AKAP8L: variants seen among roughly 807,000 people sequenced by gnomAD.
The protein encoded by AKAP8L is A-kinase anchoring protein 8 like.
A neutral mutation model predicts 77.5 loss-of-function variants in AKAP8L; 34 were observed. That is an observed-to-expected ratio of 0.44 (90% CI 0.33 to 0.58). The LOEUF (loss-of-function observed/expected upper bound fraction) is 0.58. Among genes scored for constraint, AKAP8L ranks in the 20% least tolerant of loss-of-function variants. AKAP8L has a pLI of 0.02. For missense variants in AKAP8L, 806 were observed against 887.6 expected, an observed-to-expected ratio of 0.91 and a Z score of 1.17; for synonymous variants, 342 against 340.7, an observed-to-expected ratio of 1.00 and a Z score of -0.04.
chr19:15,385,610 A>AT (rs1568261414), intron 12 of AKAP8L, among the ~76,000 whole-genome samples: 1 of 151,574 alleles, frequency 6.6e-6, no homozygotes. Context: ...CATTTTATTT[A>AT]TTTTTTTGAG....
intron 1 of AKAP8L, among the ~76,000 whole-genome samples, chr19:15,412,792 T>C (rs1177956258): frequency 1.3e-5 from 2 of 152,264 alleles, no homozygotes; most frequent in East Asian, 1.9e-4. Flanking sequence ...TCCGCCCGCC[T>C]TGGCCTCCCA....
rs1967949752 is a variant in AKAP8L at position 15,403,874 on chromosome 19, C to T, written c.121+136G>A. 5 of 1,142,644 alleles carry T rather than the reference C, an allele frequency of 4.4e-6. No individual in the cohort carries two copies. The East Asian group carries it at 1.2e-4, about 28-fold the overall frequency. The allele number at this position is 1,142,644 out of a possible 1,614,324, so 70.8% of individuals were successfully genotyped here. ...GGGCCCTGGTCATTCTGATGAGGGC[C>T]TCCTGTTAAGGAGTAGGTAACCCCA... On this transcript the variant is annotated intron_variant, in intron 3 of 13. Coordinates refer to ENST00000397410, the MANE Select transcript of AKAP8L (RefSeq NM_014371.4). The surrounding 1 kb of genome is among the most constrained non-coding windows in gnomAD (Gnocchi z 4.3).
intron 4 of AKAP8L, among the ~76,000 whole-genome samples, chr19:15,402,285 C>G (rs1967915939): frequency 6.6e-6 from 1 of 152,196 alleles, no homozygotes; most frequent in Admixed American, 6.5e-5. Flanking sequence ...TCCCAGGACA[C>G]AGAGGGCACC....
intron 8 of AKAP8L, 92 bp downstream of exon 8, chr19:15,400,203 A>G (rs1967863332): frequency 7.3e-7 from 1 of 1,373,804 alleles, no homozygotes; most frequent in Non-Finnish European, 1.0e-6. Flanking sequence ...AACTGGCCGC[A>G]TGTCTGCCGC....
At chr19:15,412,273 T>C (rs989906772) in intron 1 of AKAP8L, among the ~76,000 whole-genome samples, 7 of 152,094 alleles carry the variant, frequency 4.6e-5, no homozygotes, top group Non-Finnish European at 8.8e-5. Context: ...TCCCAGGTTC[T>C]TGGGAGGGTG....
chr19:15,401,291 G>A lies in AKAP8L; in HGVS notation c.675C>T (p.Asn225=), dbSNP rs746111947. 13 of 1,613,614 alleles carry A rather than the reference G, an allele frequency of 8.1e-6. No individual in the cohort carries two copies. Among genetic ancestry groups the A allele is most frequent in the African/African-American group, 6.7e-5 (5 of 74,936 alleles). Residue 225 remains asparagine, a synonymous_variant, in exon 5 of 14, where the codon AAC becomes AAT. Coordinates refer to ENST00000397410, the MANE Select transcript of AKAP8L (RefSeq NM_014371.4). This position sits in a 1 kb window ranked among gnomAD's most constrained non-coding sequence, Gnocchi z 6.2. The part of the protein sequence containing the change: ...ASRLPSLFSQ[N]IIPEYGMFQG... ...GGAACATGCCGTACTCGGGGATGAT[G>A]TTCTGGGAGAAGAGGGAGGGCAGCC...
At chr19:15,395,885 G>A (rs1967761004) in intron 12 of AKAP8L, among the ~76,000 whole-genome samples, 1 of 139,860 alleles carries the variant, frequency 7.2e-6, no homozygotes, top group South Asian at 2.4e-4. Flanking sequence ...TCGGGAGGCT[G>A]AGGCAGGAGA....
At position 15,398,718 on chromosome 19, in the gene AKAP8L, G is replaced by A. The variant is rs1967828013; in HGVS notation, c.1157+584C>T. 2 of 988,760 alleles carry A rather than the reference G, an allele frequency of 2.0e-6. No individual in the cohort carries two copies. Among genetic ancestry groups the A allele is most frequent in the Non-Finnish European group, 2.4e-6 (2 of 832,274 alleles). The allele number at this position is 988,760 out of a possible 1,614,324, so 61.2% of individuals were successfully genotyped here. A position where few individuals can be genotyped will look rare whatever the true frequency, so the allele number is the denominator to read the frequency against. ...CGCCGGCGAGGCTGAGGAAGGTCCA[G>A]CAAGAGCAAGAGTCTGAGGCGGAGG... is the stretch of plus-strand genomic sequence containing the variant. On this transcript the variant is annotated intron_variant, in intron 9 of 13. Coordinates refer to ENST00000397410, the MANE Select transcript of AKAP8L (RefSeq NM_014371.4). This position sits in a 1 kb window ranked among gnomAD's most constrained non-coding sequence, Gnocchi z 9.2.
intron 1 of AKAP8L, among the ~76,000 whole-genome samples, chr19:15,414,554 T>C (rs1225369592): frequency 1.3e-5 from 2 of 152,172 alleles, no homozygotes; most frequent in African/African-American, 4.8e-5. Flanking sequence ...AGTGGCACGA[T>C]CTTGGCTCAC....
rs776706669 is a variant in AKAP8L, at chr19:15,397,946, C to G, written c.1158-91G>C. The stretch of plus-strand genomic sequence containing the variant: ...CCCAACCCAGACACAAGCCCTGAAA[C>G]AGGCCTTGCTCACGGGCCTCTGAAG... On this transcript the variant is annotated intron_variant, in intron 9 of 13. Transcript: ENST00000397410. The surrounding 1 kb of genome is among the most constrained non-coding windows in gnomAD (Gnocchi z 4.7). The G allele has an allele frequency of 6.6e-7, 1 of 1,508,548 alleles. No homozygotes were observed. Among genetic ancestry groups the G allele is most frequent in the African/African-American group, 1.4e-5 (1 of 72,370 alleles). 93.4% of individuals were successfully genotyped at this position (1,508,548 alleles called of 1,614,324 possible). A position where few individuals can be genotyped will look rare whatever the true frequency, so the allele number is the denominator to read the frequency against.
At chr19:15,406,244 A>T (rs1366322041) in intron 2 of AKAP8L, among the ~76,000 whole-genome samples, 1 of 151,956 alleles carries the variant, frequency 6.6e-6, no homozygotes, top group Non-Finnish European at 1.5e-5. Context: ...TTCAGGAGGA[A>T]GCCTTCATCT....
chr19:15,415,270 A>T (rs1367297598), intron 1 of AKAP8L, among the ~76,000 whole-genome samples: 4 of 152,104 alleles, frequency 2.6e-5, no homozygotes, highest in African/African-American at 9.7e-5. Context: ...TCATCTCAGA[A>T]ATAAAAAATT....
At position 15,397,681 on chromosome 19, in the gene AKAP8L, A is replaced by G. The variant is rs1209235845; in HGVS notation, c.1299+33T>C. ...GCCTTATGTTCTCAGGGGTCCAAGA[A>G]ACTAAGAGCGGCTGTGTTACTCCAA... On this transcript the variant is annotated intron_variant, in intron 10 of 13. Coordinates refer to ENST00000397410, the MANE Select transcript of AKAP8L (RefSeq NM_014371.4). This position sits in a 1 kb window ranked among gnomAD's most constrained non-coding sequence, Gnocchi z 4.7. 6.2e-7 allele frequency: 1 copy of G among 1,613,988 alleles called. No homozygotes were observed.
intron 12 of AKAP8L, among the ~76,000 whole-genome samples, chr19:15,390,107 A>T (rs1043575913): frequency 2.0e-5 from 3 of 151,992 alleles, no homozygotes; most frequent in Non-Finnish European, 4.4e-5. Flanking sequence ...TGAATTATTA[A>T]TAATAATAAA....
intron 12 of AKAP8L, among the ~76,000 whole-genome samples, chr19:15,392,513 AG>A (rs993574881): frequency 3.3e-5 from 5 of 152,046 alleles, no homozygotes; most frequent in Non-Finnish European, 7.4e-5. Context: ...AAAAAAAAAA[AG>A]TATTTTTATA....
At chr19:15,393,643 G>A (rs1317655767) in intron 12 of AKAP8L, among the ~76,000 whole-genome samples, 1 of 152,034 alleles carries the variant, frequency 6.6e-6, no homozygotes, top group Non-Finnish European at 1.5e-5. Context: ...AGAAAATGCC[G>A]GGCGCGGTGG....
intron 12 of AKAP8L, among the ~76,000 whole-genome samples, chr19:15,394,052 A>C (rs563614178): frequency 6.6e-6 from 1 of 152,336 alleles, no homozygotes; most frequent in African/African-American, 2.4e-5. Context: ...TATTTGATCA[A>C]GACATTCCAG....
intron 1 of AKAP8L, among the ~76,000 whole-genome samples, chr19:15,414,580 C>T (rs1345257344): frequency 3.9e-5 from 6 of 152,084 alleles, no homozygotes; most frequent in Non-Finnish European, 7.4e-5. Context: ...GCTCCGCCTC[C>T]TGGGGTCACG....
At position 15,403,798 on chromosome 19, in the gene AKAP8L, A is replaced by T. The variant is rs745368585; in HGVS notation, c.122-83T>A. 1 of 1,196,064 alleles carries T rather than the reference A, an allele frequency of 8.4e-7. No homozygotes were observed. Among genetic ancestry groups the T allele is most frequent in the Non-Finnish European group, 1.2e-6 (1 of 826,232 alleles). 74.1% of individuals were successfully genotyped at this position (1,196,064 alleles called of 1,614,324 possible). A position where few individuals can be genotyped will look rare whatever the true frequency, so the allele number is the denominator to read the frequency against. ...CAGAGACAGAGACAAACACAGATACAAGGGTATCTTCTGTCACAGAGAGAG... is the reference window on the plus strand; with the variant it reads ...CAGAGACAGAGACAAACACAGATACTAGGGTATCTTCTGTCACAGAGAGAG... On this transcript the variant is annotated intron_variant, in intron 3 of 13. Transcript: ENST00000397410. The surrounding 1 kb of genome is among the most constrained non-coding windows in gnomAD (Gnocchi z 4.3).
Sources: gnomAD v4.1 joint callset for allele counts (sites outside exome capture counted in the v4.1 genomes callset) on GRCh38, gnomAD v4.1.1 for gene constraint, Gnocchi (gnomAD v3.1) non-coding constraint, MANE v1.5 for transcripts, NCBI Gene and HGNC (gene_info 2026-07-23, HGNC 2026-07-21) for gene names.